EMID1: variants seen among roughly 807,000 people sequenced by gnomAD.
The protein encoded by EMID1 is EMI domain containing 1.
In EMID1, 40 loss-of-function variants were observed where a neutral mutation model predicts 60.6. The ratio of observed to expected loss-of-function variants is 0.66; its 90% CI spans 0.51 to 0.86. The LOEUF (loss-of-function observed/expected upper bound fraction) is 0.86. Among genes scored for constraint, EMID1 ranks in the 40% least tolerant of loss-of-function variants. The pLI is 0.00. For missense variants in EMID1, 585 were observed against 597.1 expected (o/e 0.98, Z 0.21); for synonymous variants, 242 against 231.0 (o/e 1.05, Z -0.43).
At chr22:29,227,880 G>C (rs1245617832) in intron 5 of EMID1, among the ~76,000 whole-genome samples, 3 of 151,938 alleles carry the variant, frequency 2.0e-5, no homozygotes, top group Non-Finnish European at 4.4e-5. Flanking sequence ...CCGGGGCCGA[G>C]TGCCGTGGCT....
intron 14 of EMID1, among the ~76,000 whole-genome samples, chr22:29,256,463 C>CA (rs774829201): frequency 0.023 from 1,222 of 52,160 alleles, 14 homozygotes; most frequent in African/African-American, 0.045. Flanking sequence ...GACTCCATCT[C>CA]AAAAAAAAAA....
At chr22:29,207,883 C>T (rs1171200422) in intron 1 of EMID1, among the ~76,000 whole-genome samples, 2 of 152,206 alleles carry the variant, frequency 1.3e-5, no homozygotes, top group African/African-American at 2.4e-5. Context: ...TTGGGGGCAC[C>T]AGGAAAGGTT....
chr22:29,248,220 A>G (rs143772536), intron 13 of EMID1, among the ~76,000 whole-genome samples: 1,706 of 150,262 alleles, frequency 0.011, 28 homozygotes, highest in African/African-American at 0.04. Context: ...CGGTCTCCCA[A>G]AGTGCTAGGA....
intron 1 of EMID1, 41 bp from the exon 2 acceptor site, chr22:29,214,885 C>T (rs762519244): frequency 1.9e-5 from 27 of 1,437,054 alleles, no homozygotes; most frequent in Non-Finnish European, 2.4e-5. Flanking sequence ...GCAGGGGACC[C>T]TGTGTGGTAC....
chr22:29,244,403 C>A (rs1272594800), intron 13 of EMID1, among the ~76,000 whole-genome samples: 1 of 151,888 alleles, frequency 6.6e-6, no homozygotes, highest in Non-Finnish European at 1.5e-5. Context: ...CCAGCCTGGC[C>A]AACATGGCAA....
At chr22:29,209,955 AC>A (rs751232952) in intron 1 of EMID1, among the ~76,000 whole-genome samples, 56 of 151,978 alleles carry the variant, frequency 3.7e-4, no homozygotes, top group Admixed American at 7.2e-4. Flanking sequence ...GCCTCCTGCT[AC>A]CCCTGGAAGG....
chr22:29,233,044 A>G (rs371462927), intron 8 of EMID1: 10 of 345,846 alleles, frequency 2.9e-5, no homozygotes, highest in East Asian at 5.6e-5. Flanking sequence ...ACATCCATGT[A>G]CAGAAGCCTG....
chr22:29,243,612 G>T (rs755961342), intron 13 of EMID1, 123 bp downstream of exon 13: 3 of 1,164,006 alleles, frequency 2.6e-6, no homozygotes, highest in Non-Finnish European at 3.8e-6. Flanking sequence ...CTACAGCCTG[G>T]TCTCCCAGGC....
chr22:29,228,013 G>A (rs1204859785), intron 5 of EMID1, among the ~76,000 whole-genome samples: 12 of 151,820 alleles, frequency 7.9e-5, no homozygotes, highest in African/African-American at 2.9e-4. Flanking sequence ...AAAATTAGCC[G>A]GGCATGGTGG....
chr22:29,244,064 C>T (rs555656472), intron 13 of EMID1, among the ~76,000 whole-genome samples: 4 of 152,284 alleles, frequency 2.6e-5, no homozygotes, highest in South Asian at 2.1e-4. Flanking sequence ...GCTATGTACA[C>T]GTTTGATGTG....
At chr22:29,230,602 C>T (rs1320008743) in intron 5 of EMID1, among the ~76,000 whole-genome samples, 1 of 152,220 alleles carries the variant, frequency 6.6e-6, no homozygotes, top group Non-Finnish European at 1.5e-5. Context: ...TGGGGCTCCA[C>T]TCCAAGCTGG....
intron 6 of EMID1, 42 bp from the exon 7 acceptor site, chr22:29,231,532 GGCCAGGGTGGGGGTCAAGA>G (rs1207077781): frequency 6.6e-7 from 1 of 1,519,240 alleles, no homozygotes. Context: ...GGGGGGCTGG[GGCCAGGGTGGGGGTCAAGA>G]GCAGATGTGG....
intron 13 of EMID1, 123 bp downstream of exon 13, chr22:29,243,612 G>A: frequency 8.6e-7 from 1 of 1,164,004 alleles, no homozygotes; most frequent in Non-Finnish European, 1.3e-6. Flanking sequence ...CTACAGCCTG[G>A]TCTCCCAGGC....
chr22:29,233,863 G>A (rs2040843689), intron 10 of EMID1, 197 bp downstream of exon 10: 1 of 684,516 alleles, frequency 1.5e-6, no homozygotes, highest in Non-Finnish European at 2.4e-6. Flanking sequence ...TTCAATCCAA[G>A]TAATGAGAAC....
chr22:29,248,107 G>A (rs1446818450), intron 13 of EMID1, among the ~76,000 whole-genome samples: 1 of 149,614 alleles, frequency 6.7e-6, no homozygotes, highest in Non-Finnish European at 1.5e-5. Flanking sequence ...TGAACGCCAC[G>A]ATGCCCAGCT....
intron 1 of EMID1, among the ~76,000 whole-genome samples, chr22:29,214,602 G>A (rs1283072841): frequency 6.6e-6 from 1 of 152,216 alleles, no homozygotes; most frequent in East Asian, 1.9e-4. Flanking sequence ...GCCTGGATGG[G>A]TCAAAGTTGG....
chr22:29,234,108 C>T (rs773928972), intron 10 of EMID1, 29 bp from the exon 11 acceptor site: 2 of 1,562,232 alleles, frequency 1.3e-6, no homozygotes, highest in Admixed American at 3.8e-5. Context: ...TGCCCCAACA[C>T]AAGGCTGAGG....
At chr22:29,258,348 C>A (rs2041779347) in intron 14 of EMID1, among the ~76,000 whole-genome samples, 1 of 152,130 alleles carries the variant, frequency 6.6e-6, no homozygotes, top group Non-Finnish European at 1.5e-5. Flanking sequence ...GTCCAGCTTG[C>A]CCAAGACTGC....
At position 29,216,655 on chromosome 22, in the gene EMID1, C is replaced by T. The variant is rs1378679743; in HGVS notation, c.319+1025C>T. On this transcript the variant is annotated intron_variant, in intron 3 of 14. Coordinates refer to ENST00000334018, the MANE Select transcript of EMID1 (RefSeq NM_133455.4). ...TCACAGGTGTTTCTTGGGAGATTTG[C>T]ACACTTCACCTCCCGGGGACCCTCA... 5.1e-6 allele frequency: 5 copies of T among 985,310 alleles called. No homozygotes were observed. The African/African-American group carries it at 8.7e-5, about 17-fold the overall frequency. The allele number at this position is 985,310 out of a possible 1,614,324, so 61.0% of individuals were successfully genotyped here.
Sources: allele counts gnomAD v4.1 joint callset (sites outside exome capture counted in the v4.1 genomes callset), GRCh38; gene constraint gnomAD v4.1.1; transcripts MANE v1.5; gene names NCBI Gene and HGNC (gene_info 2026-07-23, HGNC 2026-07-21).